Variants in RBM28 observed in about 807,000 individuals in gnomAD.
RBM28 encodes RNA binding motif protein 28.
A neutral mutation model predicts 98.3 loss-of-function variants in RBM28; 78 were observed. The ratio of observed to expected loss-of-function variants is 0.79; its 90% confidence interval spans 0.66 to 0.96. RBM28 has a LOEUF of 0.96. RBM28 is among the 40% of genes least tolerant of loss of function. The pLI is 0.00. For synonymous variants in RBM28, 306 were observed against 330.9 expected, an observed-to-expected ratio of 0.92 and a Z score of 0.82; for missense variants, 838 against 913.0, an observed-to-expected ratio of 0.92 and a Z score of 1.06.
Position 128,301,127 on chromosome 7 carries a change from C to T in RBM28, c.*9670G>A, listed in dbSNP as rs1421061862. 6.6e-6 allele frequency: 1 copy of T among 152,234 alleles called. No homozygotes were observed. The highest frequency in any genetic ancestry group is 2.4e-5 in the African/African-American group (1 of 41,458). 9.4% of individuals were successfully genotyped at this position (152,234 alleles called of 1,614,324 possible). ...AAAGAAGTGGAAATTAGCCAATCAC[C>T]CTGGAAGTGGGCAACCAGTCTTTCT... is the stretch of plus-strand genomic sequence containing the variant. On this transcript the variant is annotated 3_prime_UTR_variant, in exon 19 of 19. Coordinates refer to ENST00000223073, the MANE Select transcript of RBM28 (RefSeq NM_018077.3).
At chr7:128,338,440 A>C (rs1356874330) in intron 4 of RBM28, 98 bp from the exon 5 acceptor site, 4 of 1,005,058 alleles carry the variant, frequency 4.0e-6, no homozygotes, top group Non-Finnish European at 4.7e-6. Flanking sequence ...AAGATGGCCC[A>C]AATTCTGCCA....
chr7:128,314,989 TCA>T lies in RBM28; in HGVS notation c.1818_1819del (p.Glu607AlafsTer48). 2 of 1,614,208 alleles carry T rather than the reference TCA, an allele frequency of 1.2e-6. No homozygotes were observed. Among genetic ancestry groups the T allele is most frequent in the Non-Finnish European group, 1.7e-6 (2 of 1,180,030 alleles). Reference sequence around the variant, plus strand: ...AGGCTCTGGTTGCCCCTTCTGAGGCTCACCAGTTGCAGGCTTGGATCTCATTT... The same window carrying T: ...AGGCTCTGGTTGCCCCTTCTGAGGCTCCAGTTGCAGGCTTGGATCTCATTT... On this transcript the variant is annotated frameshift_variant, in exon 17 of 19. Transcript: ENST00000223073. LOFTEE classifies it high-confidence loss of function.
intron 17 of RBM28, among the ~76,000 whole-genome samples, chr7:128,314,134 T>C (rs912216513): frequency 2.4e-4 from 36 of 152,110 alleles, no homozygotes; most frequent in African/African-American, 6.8e-4. Flanking sequence ...AGCTAATTTT[T>C]TGTATTTTTA....
intron 12 of RBM28, 56 bp downstream of exon 12, chr7:128,324,503 A>G: frequency 6.2e-7 from 1 of 1,611,904 alleles, no homozygotes; most frequent in Non-Finnish European, 8.5e-7. Context: ...TGCTTGATCA[A>G]TGATTATGGC....
At chr7:128,315,697 T>A (rs916386706) in intron 16 of RBM28, among the ~76,000 whole-genome samples, 1 of 152,194 alleles carries the variant, frequency 6.6e-6, no homozygotes, top group East Asian at 1.9e-4. Flanking sequence ...ATATTTAATA[T>A]TTAAATTTTT....
intron 14 of RBM28, among the ~76,000 whole-genome samples, chr7:128,318,506 A>G (rs974240254): frequency 2.6e-5 from 4 of 152,038 alleles, no homozygotes; most frequent in Admixed American, 6.6e-5. Flanking sequence ...GGTTATTGAA[A>G]CATAATCTTC....
At chr7:128,321,027 G>A (rs192679516) in intron 14 of RBM28, among the ~76,000 whole-genome samples, 30 of 152,316 alleles carry the variant, frequency 2.0e-4, no homozygotes, top group East Asian at 3.9e-4. Flanking sequence ...TTAGCCAGGC[G>A]TGGTGGCGCA....
chr7:128,338,814 G>T lies in RBM28; in HGVS notation c.373-13C>A. On this transcript the variant is annotated splice_polypyrimidine_tract_variant and intron_variant, in intron 3 of 18. Coordinates refer to ENST00000223073, the MANE Select transcript of RBM28 (RefSeq NM_018077.3). ...CATCTTCTGAACACTGAAGCCAAAA[G>T]TGAAGAAAGAAAAAGAGAAACACAA... 1 of 1,581,050 alleles carries T rather than the reference G, an allele frequency of 6.3e-7. No individual in the cohort carries two copies. Among genetic ancestry groups the T allele is most frequent in the Non-Finnish European group, 8.7e-7 (1 of 1,150,380 alleles).
At chr7:128,332,442 C>G (rs946650676) in intron 9 of RBM28, among the ~76,000 whole-genome samples, 1 of 152,030 alleles carries the variant, frequency 6.6e-6, no homozygotes, top group Admixed American at 6.6e-5. Flanking sequence ...CAACCTCCAC[C>G]TCTGCGTTTT....
chr7:128,332,782 T>C (rs1269747009), intron 9 of RBM28, among the ~76,000 whole-genome samples: 1 of 152,138 alleles, frequency 6.6e-6, no homozygotes, highest in African/African-American at 2.4e-5. Flanking sequence ...CCTGACCTCA[T>C]AAAAGCAGCA....
At position 128,335,836 on chromosome 7, in the gene RBM28, G is replaced by A. The variant is rs776683736; in HGVS notation, c.809+11C>T. ...TTCCTCTGCTGTCTCAGAACAGGATGAGCTGCTTACCTCTTCTGAATTTGC... is the reference window on the plus strand; with the variant it reads ...TTCCTCTGCTGTCTCAGAACAGGATAAGCTGCTTACCTCTTCTGAATTTGC... On this transcript the variant is annotated intron_variant, in intron 7 of 18. Transcript: ENST00000223073. 7.4e-6 allele frequency: 12 copies of A among 1,613,960 alleles called. No individual in the cohort carries two copies. Among genetic ancestry groups the A allele is most frequent in the African/African-American group, 1.3e-5 (1 of 74,914 alleles).
At position 128,335,839 on chromosome 7, in the gene RBM28, C is replaced by T; in HGVS notation, c.809+8G>A. On this transcript the variant is annotated splice_region_variant and intron_variant, in intron 7 of 18. Coordinates refer to ENST00000223073, the MANE Select transcript of RBM28 (RefSeq NM_018077.3). ...CTCTGCTGTCTCAGAACAGGATGAG[C>T]TGCTTACCTCTTCTGAATTTGCACA... is the stretch of plus-strand genomic sequence containing the variant. 6.2e-7 allele frequency: 1 copy of T among 1,614,154 alleles called. No homozygotes were observed. The highest frequency in any genetic ancestry group is 8.5e-7 in the Non-Finnish European group (1 of 1,180,038).
At chr7:128,318,933 C>A (rs1054497402) in intron 14 of RBM28, among the ~76,000 whole-genome samples, 6 of 152,218 alleles carry the variant, frequency 3.9e-5, no homozygotes, top group Non-Finnish European at 8.8e-5. Flanking sequence ...AGGAAAAAGT[C>A]TCTCCAACAT....
At chr7:128,338,378 A>C in intron 4 of RBM28, 36 bp from the exon 5 acceptor site, 1 of 1,526,362 alleles carries the variant, frequency 6.6e-7, no homozygotes, top group Non-Finnish European at 9.1e-7. Flanking sequence ...AGTGAGAGGC[A>C]GCAGGAGGTA....
Position 128,300,580 on chromosome 7 carries a change from G to A in RBM28, c.*10217C>T, listed in dbSNP as rs1795769502. 1 of 152,274 alleles carries A rather than the reference G, an allele frequency of 6.6e-6. No individual in the cohort carries two copies. The highest frequency in any genetic ancestry group is 1.5e-5 in the Non-Finnish European group (1 of 68,074). 9.4% of individuals were successfully genotyped at this position (152,274 alleles called of 1,614,324 possible). A position where few individuals can be genotyped will look rare whatever the true frequency, so the allele number is the denominator to read the frequency against. On this transcript the variant is annotated 3_prime_UTR_variant, in exon 19 of 19. Coordinates refer to ENST00000223073, the MANE Select transcript of RBM28 (RefSeq NM_018077.3). Reference sequence around the variant, plus strand: ...ATCATCCAACCCCTGACCTTGTGGTGAGGATCAAAGACGTTAATGCCCACT... The same window carrying A: ...ATCATCCAACCCCTGACCTTGTGGTAAGGATCAAAGACGTTAATGCCCACT...
chr7:128,308,133 A>G lies in RBM28; in HGVS notation c.*2664T>C, dbSNP rs1051340331. ...ATGGTAAGGTGTTCCAAAGGAAGACACCATATATAGAATTTGACTATTAAG... is the reference window on the plus strand; with the variant it reads ...ATGGTAAGGTGTTCCAAAGGAAGACGCCATATATAGAATTTGACTATTAAG... On this transcript the variant is annotated 3_prime_UTR_variant, in exon 19 of 19. Coordinates refer to ENST00000223073, the MANE Select transcript of RBM28 (RefSeq NM_018077.3). 6.6e-6 allele frequency: 1 copy of G among 152,224 alleles called. No individual in the cohort carries two copies. Among genetic ancestry groups the G allele is most frequent in the African/African-American group, 2.4e-5 (1 of 41,458 alleles). The allele number at this position is 152,224 out of a possible 1,614,324, so 9.4% of individuals were successfully genotyped here.
At chr7:128,324,746 G>T in intron 11 of RBM28, 52 bp from the exon 12 acceptor site, 1 of 1,611,974 alleles carries the variant, frequency 6.2e-7, no homozygotes, top group Non-Finnish European at 8.5e-7. Flanking sequence ...GGGCACAGTG[G>T]CTCACACCTG....
Position 128,335,956 on chromosome 7 carries a change from C to T in RBM28, c.700G>A (p.Asp234Asn), listed in dbSNP as rs369500252. ...TCATCATCATCATCGTCATCATCAT[C>T]GTTTTCTTCCTCTTCCATATCCTCT... is the stretch of plus-strand genomic sequence containing the variant. Reference protein sequence around the residue: ...EEEDMEEEENDDDDDDDDEED... With the variant: ...EEEDMEEEENNDDDDDDDEED... The change falls in exon 7 of 19, where the codon GAT becomes AAT. Residue 234 changes from aspartate (D) to asparagine (N), a missense_variant. By Grantham distance (23) the Asp-to-Asn change is conservative (BLOSUM62 1). Transcript: ENST00000223073. 28 of 1,606,624 alleles carry T rather than the reference C, an allele frequency of 1.7e-5. No homozygotes were observed. The highest frequency in any genetic ancestry group is 2.7e-5 in the African/African-American group (2 of 74,732).
intron 6 of RBM28, among the ~76,000 whole-genome samples, chr7:128,336,670 G>T (rs1044770433): frequency 3.9e-5 from 6 of 152,202 alleles, no homozygotes; most frequent in Non-Finnish European, 7.3e-5. Context: ...TTCTGAGCCA[G>T]CAGGAATTCA....
Sources: allele counts gnomAD v4.1 joint callset (sites outside exome capture counted in the v4.1 genomes callset), GRCh38; gene constraint gnomAD v4.1.1; transcripts MANE v1.5; gene names NCBI Gene and HGNC (gene_info 2026-07-23, HGNC 2026-07-21).